The following SDS variants were observed in gnomAD, a reference collection of about 807,000 sequenced individuals.
The protein encoded by SDS is serine dehydratase, also known as L-serine dehydratase/L-threonine deaminase.
Under a neutral mutation model 29.3 loss-of-function variants are expected in SDS, and 19 were observed. The observed-to-expected ratio is 0.65, with a 90% CI of 0.45 to 0.95. The LOEUF is 0.95. SDS is among the 40% of genes least tolerant of loss of function. The pLI is 0.00. For synonymous variants in SDS, 176 were observed against 189.0 expected, an observed-to-expected ratio of 0.93 and a Z score of 0.56; for missense variants, 375 against 439.9, an observed-to-expected ratio of 0.85 and a Z score of 1.32.
At chr12:113,394,167 C>T (rs1173064428) in intron 6 of SDS, 151 bp from the exon 7 acceptor site, 2 of 710,356 alleles carry the variant, frequency 2.8e-6, no homozygotes, top group Non-Finnish European at 4.7e-6. Flanking sequence ...GCTGTAAAAC[C>T]CTGAAAAGCC....
At position 113,402,867 on chromosome 12, in the gene SDS, C is replaced by T. The variant is rs143532815; in HGVS notation, c.-3+901G>A. Among the ~76,000 whole-genome samples the T allele has an allele frequency of 2.3e-3, 355 of 152,242 alleles. 6 individuals are homozygous for T. Among genetic ancestry groups the T allele is most frequent in the East Asian group, 0.022 (113 of 5,172 alleles). On this transcript the variant is annotated intron_variant, in intron 1 of 7. Transcript: ENST00000257549. ...GCAAGACTTCAGAAGAGGTTGTGCCCGGGGAGGAGGAGGGAGGGAGCCCTG... is the reference window on the plus strand; with the variant it reads ...GCAAGACTTCAGAAGAGGTTGTGCCTGGGGAGGAGGAGGGAGGGAGCCCTG...
Position 113,399,553 on chromosome 12 carries a change from T to C in SDS, c.153+3A>G. ...CCCAGATAATGCTGACCCGGTCCCG[T>C]ACCCTCTTGCAGAAGTGCCCAATGC... is the stretch of plus-strand genomic sequence containing the variant. On this transcript the variant is annotated splice_donor_region_variant and intron_variant, in intron 2 of 7. Coordinates refer to ENST00000257549, the MANE Select transcript of SDS (RefSeq NM_006843.3). The C allele has an allele frequency of 1.3e-6, 2 of 1,578,642 alleles. No homozygotes were observed. Among genetic ancestry groups the C allele is most frequent in the Non-Finnish European group, 1.7e-6 (2 of 1,164,000 alleles).
chr12:113,398,681 C>A lies in SDS; in HGVS notation c.333+26G>T, dbSNP rs1957664333. ...TGTCCAGCCACCAGGCGCCCTCTCT[C>A]TTCCTTGCCCTGGGTCGGCACTCAC... On this transcript the variant is annotated intron_variant, in intron 4 of 7. Transcript: ENST00000257549. 3 of 1,611,586 alleles carry A rather than the reference C, an allele frequency of 1.9e-6. No individual in the cohort carries two copies. In the Admixed American group the frequency reaches 5.0e-5, roughly 27 times the overall value.
chr12:113,392,896 G>A lies in SDS; in HGVS notation c.*45C>T. On this transcript the variant is annotated 3_prime_UTR_variant, in exon 8 of 8. Coordinates refer to ENST00000257549, the MANE Select transcript of SDS (RefSeq NM_006843.3). ...CTGGATAAAACTCCAGCCCCTCCAG[G>A]GGTCTCTTGGGCTAGGAGAGCACAG... is the stretch of plus-strand genomic sequence containing the variant. 6.4e-7 allele frequency: 1 copy of A among 1,567,054 alleles called. No individual in the cohort carries two copies. Among genetic ancestry groups the A allele is most frequent in the South Asian group, 1.1e-5 (1 of 89,044 alleles).
chr12:113,400,538 ATCCATCCACACACACATAC>A (rs1386047006), intron 1 of SDS, among the ~76,000 whole-genome samples: 2 of 151,852 alleles, frequency 1.3e-5, no homozygotes, highest in African/African-American at 4.8e-5. Context: ...CACACAGATA[ATCCATCCACACACACATAC>A]TCCATCCACA....
Position 113,393,048 on chromosome 12 carries a change from G to A in SDS, c.880C>T (p.Pro294Ser), listed in dbSNP as rs143409933. The change falls in exon 8 of 8, where the codon CCG becomes TCG. Residue 294 changes from proline to serine, a missense_variant. Pro to Ser is a moderately conservative substitution (Grantham distance 74, BLOSUM62 -1). Transcript: ENST00000257549. ...ACGATGACCACGAGGGATGGCAGCG[G>A]GGTTCGGAGATTCCCCTCCAGTTGG... Reference protein sequence around the residue: ...KLQLEGNLRTPLPSLVVIVCG... With the variant: ...KLQLEGNLRTSLPSLVVIVCG... 4 of 1,614,140 alleles carry A rather than the reference G, an allele frequency of 2.5e-6. No homozygotes were observed. Among genetic ancestry groups the A allele is most frequent in the Non-Finnish European group, 3.4e-6 (4 of 1,180,044 alleles).
chr12:113,399,675 G>T lies in SDS; in HGVS notation c.34C>A (p.Pro12Thr), dbSNP rs1273048781. 3 of 1,597,238 alleles carry T rather than the reference G, an allele frequency of 1.9e-6. No individual in the cohort carries two copies. In the Admixed American group the frequency reaches 5.2e-5, roughly 28 times the overall value. ...MSGEPLHVKT[P>T]IRDSMALSKM... The stretch of plus-strand genomic sequence containing the variant: ...GACAGGGCCATGCTGTCACGGATGG[G>T]GGTCTTCACGTGCAGGGGTTCTCCA... Residue 12 changes from proline (P) to threonine (T), a missense_variant, in exon 2 of 8, where the codon CCC becomes ACC. Physicochemically the swap from Pro to Thr is conservative, Grantham distance 38. Transcript: ENST00000257549.
intron 5 of SDS, 68 bp downstream of exon 5, chr12:113,398,447 G>A (rs560734204): frequency 6.0e-5 from 58 of 967,622 alleles, no homozygotes; most frequent in Non-Finnish European, 9.4e-5. Flanking sequence ...GTGCATCATA[G>A]CAATGCCTGC....
chr12:113,394,624 G>A (rs1164264917), intron 6 of SDS, among the ~76,000 whole-genome samples: 1 of 152,140 alleles, frequency 6.6e-6, no homozygotes. Context: ...ACAGGCATGA[G>A]CCACCATGCC....
In SDS at chr12:113,397,410, G is replaced by T. The variant is rs369935664; in HGVS notation, c.426-18C>A. 1.3e-6 allele frequency: 2 copies of T among 1,586,884 alleles called. No individual in the cohort carries two copies. Among genetic ancestry groups the T allele is most frequent in the South Asian group, 1.1e-5 (1 of 88,026 alleles). ...GGCCTTCCCTGGAGGGTGGGGAGAG[G>T]GGGTGGCAGGTCAGGGCTAGGCTTC... On this transcript the variant is annotated intron_variant, in intron 5 of 7. Coordinates refer to ENST00000257549, the MANE Select transcript of SDS (RefSeq NM_006843.3).
At position 113,392,773 on chromosome 12, in the gene SDS, T is replaced by TG; in HGVS notation, c.*167dup. 1.4e-6 allele frequency: 1 copy of TG among 723,472 alleles called. No individual in the cohort carries two copies. Among genetic ancestry groups the TG allele is most frequent in the South Asian group, 1.6e-5 (1 of 64,226 alleles). 44.8% of individuals were successfully genotyped at this position (723,472 alleles called of 1,614,324 possible). A position where few individuals can be genotyped will look rare whatever the true frequency, so the allele number is the denominator to read the frequency against. ...AAAAAGGTCCAATTCATAGCCTCGC[T>TG]GGCTGCCGACCTTTGGCCTCTGCAT... On this transcript the variant is annotated 3_prime_UTR_variant, in exon 8 of 8. Coordinates refer to ENST00000257549, the MANE Select transcript of SDS (RefSeq NM_006843.3).
At chr12:113,402,370 G>A (rs1414570080) in intron 1 of SDS, among the ~76,000 whole-genome samples, 1 of 152,144 alleles carries the variant, frequency 6.6e-6, no homozygotes, top group Non-Finnish European at 1.5e-5. Flanking sequence ...TCGGCTCACT[G>A]CAACCTCCGC....
chr12:113,396,447 TTC>T (rs780423297), intron 6 of SDS, among the ~76,000 whole-genome samples: 6 of 149,894 alleles, frequency 4.0e-5, no homozygotes, highest in African/African-American at 5.0e-5. Flanking sequence ...TTCTTTTTCT[TTC>T]TCTCTTTCTC....
chr12:113,399,146 G>A lies in SDS; in HGVS notation c.159C>T (p.Ala53=). 1 of 1,613,844 alleles carries A rather than the reference G, an allele frequency of 6.2e-7. No homozygotes were observed. Among genetic ancestry groups the A allele is most frequent in the East Asian group, 2.2e-5 (1 of 44,886 alleles). The part of the protein sequence containing the change: ...RGIGHFCKRW[A]KQGCAHFVCS... ...AGACAAAATGTGCACAGCCTTGCTT[G>A]GCCCACTGTGGAGACAACAGGAGAG... The change falls in exon 3 of 8, where the codon GCC becomes GCT. Residue 53 remains alanine, a synonymous_variant. Transcript: ENST00000257549.
chr12:113,398,456 G>T, intron 5 of SDS, 59 bp downstream of exon 5: 2 of 1,060,004 alleles, frequency 1.9e-6, no homozygotes, highest in Non-Finnish European at 2.9e-6. Flanking sequence ...AGCAATGCCT[G>T]CCCAGTGATA....
chr12:113,395,453 G>A (rs575386546), intron 6 of SDS, among the ~76,000 whole-genome samples: 9 of 152,324 alleles, frequency 5.9e-5, no homozygotes, highest in Admixed American at 1.3e-4. Flanking sequence ...TGTCTGCCCC[G>A]GTGTCTTTTC....
At chr12:113,403,385 G>C (rs947659182) in intron 1 of SDS, among the ~76,000 whole-genome samples, 1 of 152,076 alleles carries the variant, frequency 6.6e-6, no homozygotes, top group Non-Finnish European at 1.5e-5. Flanking sequence ...TTAGCCGGGC[G>C]TGGTGGCACA....
chr12:113,398,061 CTT>C (rs71443028), intron 5 of SDS, among the ~76,000 whole-genome samples: 9 of 130,788 alleles, frequency 6.9e-5, no homozygotes, highest in Admixed American at 2.3e-4. Flanking sequence ...TGTGTTTCTT[CTT>C]TTTTTTTTTT....
chr12:113,394,741 C>T (rs555486873), intron 6 of SDS, among the ~76,000 whole-genome samples: 3 of 152,030 alleles, frequency 2.0e-5, no homozygotes, highest in African/African-American at 7.2e-5. Flanking sequence ...TAAGAGGACC[C>T]TTGTTGTTCC....
Sources: allele counts gnomAD v4.1 joint callset (sites outside exome capture counted in the v4.1 genomes callset), GRCh38; gene constraint gnomAD v4.1.1; transcripts MANE v1.5; gene names NCBI Gene and HGNC (gene_info 2026-07-23, HGNC 2026-07-21).